GRIK2: variants seen among roughly 807,000 people sequenced by gnomAD.
GRIK2 encodes the protein glutamate receptor ionotropic, kainate 2.
In GRIK2, 32 loss-of-function variants were observed where a neutral mutation model predicts 100.3. The ratio of observed to expected loss-of-function variants is 0.32; its 90% confidence interval spans 0.24 to 0.43. GRIK2 has a LOEUF of 0.43. Among genes scored for constraint, GRIK2 ranks in the 20% least tolerant of loss-of-function variants. The pLI is 1.00. For missense variants in GRIK2, 843 were observed against 1,114.9 expected (o/e 0.76, Z 3.47); for synonymous variants, 417 against 389.4 (o/e 1.07, Z -0.83).
intron 2 of GRIK2, among the ~76,000 whole-genome samples, chr6:101,572,091 C>A (rs988152701): frequency 1.3e-5 from 2 of 151,922 alleles, no homozygotes; most frequent in African/African-American, 4.8e-5. Context: ...TATTCTGTAT[C>A]TTTTTTAATG....
At chr6:101,610,866 G>A (rs1454065639) in intron 2 of GRIK2, among the ~76,000 whole-genome samples, 1 of 151,572 alleles carries the variant, frequency 6.6e-6, no homozygotes, top group Non-Finnish European at 1.5e-5. Context: ...TTATAATTAT[G>A]TGACTACCTT....
intron 2 of GRIK2, among the ~76,000 whole-genome samples, chr6:101,587,444 C>T (rs914792414): frequency 1.3e-5 from 2 of 152,096 alleles, no homozygotes; most frequent in African/African-American, 4.8e-5. Context: ...TTCCTACCTA[C>T]TTACCTACCT....
intron 2 of GRIK2, among the ~76,000 whole-genome samples, chr6:101,551,712 T>C (rs1231441815): frequency 6.6e-6 from 1 of 152,174 alleles, no homozygotes; most frequent in Non-Finnish European, 1.5e-5. Flanking sequence ...AGTTCAGCAC[T>C]GAGACGTGAG....
chr6:101,450,240 A>G (rs1168445971), intron 2 of GRIK2, among the ~76,000 whole-genome samples: 1 of 151,686 alleles, frequency 6.6e-6, no homozygotes, highest in Non-Finnish European at 1.5e-5. Flanking sequence ...GTAATAATAG[A>G]TTTAATTAGT....
intron 7 of GRIK2, among the ~76,000 whole-genome samples, chr6:101,712,541 T>C (rs1179346402): frequency 6.6e-6 from 1 of 151,840 alleles, no homozygotes; most frequent in Non-Finnish European, 1.5e-5. Context: ...AAAGCCAGAC[T>C]CCAAAGAGTG....
intron 2 of GRIK2, among the ~76,000 whole-genome samples, chr6:101,470,216 T>C (rs1771873079): frequency 6.6e-6 from 1 of 152,192 alleles, no homozygotes; most frequent in Admixed American, 6.5e-5. Context: ...TACTCTGGAC[T>C]ACCCACGTTA....
chr6:101,742,889 T>G (rs779338712), intron 7 of GRIK2, among the ~76,000 whole-genome samples: 1 of 152,204 alleles, frequency 6.6e-6, no homozygotes, highest in Admixed American at 6.5e-5. Flanking sequence ...CATCATGGCC[T>G]AAAACCGTCT....
At chr6:101,524,177 A>G (rs924094037) in intron 2 of GRIK2, among the ~76,000 whole-genome samples, 6 of 152,204 alleles carry the variant, frequency 3.9e-5, no homozygotes, top group African/African-American at 1.4e-4. Context: ...CATCTTCAAT[A>G]AATTTGAAGC....
At chr6:101,811,644 A>G (rs9498718) in intron 9 of GRIK2, among the ~76,000 whole-genome samples, 9,880 of 152,052 alleles carry the variant, frequency 0.065, 346 homozygotes, top group African/African-American at 0.09. Flanking sequence ...AATTTCATAG[A>G]AAATAAGAAA....
At chr6:101,734,173 C>G (rs1260434846) in intron 7 of GRIK2, among the ~76,000 whole-genome samples, 1 of 152,074 alleles carries the variant, frequency 6.6e-6, no homozygotes, top group Non-Finnish European at 1.5e-5. Flanking sequence ...CCCAAAGAAA[C>G]AGTACCAACA....
intron 2 of GRIK2, among the ~76,000 whole-genome samples, chr6:101,446,357 T>C (rs1374992078): frequency 2.6e-5 from 4 of 151,980 alleles, no homozygotes; most frequent in Non-Finnish European, 4.4e-5. Context: ...TTTTTATCTA[T>C]GCAGCTCATC....
chr6:102,055,319 T>G lies in GRIK2; in HGVS notation c.2312-11T>G, dbSNP rs1355125261. On this transcript the variant is annotated splice_polypyrimidine_tract_variant and intron_variant, in intron 15 of 16. Coordinates refer to ENST00000369134, the MANE Select transcript of GRIK2 (RefSeq NM_021956.5). Reference sequence around the variant, plus strand: ...TCCTTGAAATACTTAACATAACCTCTCCTTTCTTAGGTTCTCCATATCGAG... The same window carrying G: ...TCCTTGAAATACTTAACATAACCTCGCCTTTCTTAGGTTCTCCATATCGAG... 2 of 1,599,866 alleles carry G rather than the reference T, an allele frequency of 1.3e-6. No homozygotes were observed. The highest frequency in any genetic ancestry group is 1.7e-6 in the Non-Finnish European group (2 of 1,169,002).
At chr6:101,601,198 GT>G (rs1779197162) in intron 2 of GRIK2, among the ~76,000 whole-genome samples, 1 of 150,974 alleles carries the variant, frequency 6.6e-6, no homozygotes, top group Non-Finnish European at 1.5e-5. Flanking sequence ...AGATTACATG[GT>G]TTTTGGTTTT....
intron 2 of GRIK2, among the ~76,000 whole-genome samples, chr6:101,428,563 C>A (rs1189824260): frequency 6.6e-6 from 1 of 152,040 alleles, no homozygotes; most frequent in African/African-American, 2.4e-5. Flanking sequence ...ATTTAAAAAA[C>A]TATATTGAAA....
intron 12 of GRIK2, among the ~76,000 whole-genome samples, chr6:101,894,092 T>C (rs183405383): frequency 1.3e-5 from 2 of 151,646 alleles, no homozygotes; most frequent in East Asian, 1.9e-4. Flanking sequence ...TCTACTATCA[T>C]ATTAATAATA....
At chr6:101,644,228 G>A (rs1781416519) in intron 4 of GRIK2, among the ~76,000 whole-genome samples, 1 of 151,824 alleles carries the variant, frequency 6.6e-6, no homozygotes, top group Non-Finnish European at 1.5e-5. Context: ...ATGGCAAACT[G>A]GAAGTTGAAA....
chr6:101,542,925 G>A (rs1562213686), intron 2 of GRIK2, among the ~76,000 whole-genome samples: 1 of 151,992 alleles, frequency 6.6e-6, no homozygotes, highest in African/African-American at 2.4e-5. Context: ...GTCAAGGAGG[G>A]TAAGAAAGTA....
At chr6:101,396,142 T>C (rs1774995351) in intron 1 of GRIK2, among the ~76,000 whole-genome samples, 1 of 151,954 alleles carries the variant, frequency 6.6e-6, no homozygotes, top group South Asian at 2.1e-4. Context: ...GGTATCAGTA[T>C]TGGGGAGAAA....
At chr6:101,787,259 T>C (rs1268715633) in intron 7 of GRIK2, among the ~76,000 whole-genome samples, 1 of 151,928 alleles carries the variant, frequency 6.6e-6, no homozygotes, top group Non-Finnish European at 1.5e-5. Context: ...TAAAGACTTT[T>C]CATTTCAATA....
Sources: allele counts gnomAD v4.1 joint callset (sites outside exome capture counted in the v4.1 genomes callset), GRCh38; gene constraint gnomAD v4.1.1; transcripts MANE v1.5; gene names NCBI Gene and HGNC (gene_info 2026-07-23, HGNC 2026-07-21).